Variants in DLG2 observed in about 807,000 individuals in gnomAD.
DLG2 encodes the protein disks large homolog 2.
DLG2 carries 45 observed loss-of-function variants against 132.5 expected under a neutral mutation model. The ratio of observed to expected loss-of-function variants is 0.34; its 90% CI spans 0.27 to 0.44. DLG2 has a LOEUF of 0.44. Among genes scored for constraint, DLG2 ranks in the 20% least tolerant of loss-of-function variants. DLG2 has a pLI of 1.00. For missense variants in DLG2, 1,045 were observed against 1,196.9 expected (o/e 0.87, Z 1.87); for synonymous variants, 424 against 419.6 (o/e 1.01, Z -0.13).
intron 4 of DLG2, among the ~76,000 whole-genome samples, chr11:85,167,907 C>T (rs2078576426): frequency 6.6e-6 from 1 of 152,062 alleles, no homozygotes; most frequent in African/African-American, 2.4e-5. Flanking sequence ...TAGACTACTT[C>T]AGGATTACAA....
intron 4 of DLG2, among the ~76,000 whole-genome samples, chr11:85,200,912 A>G (rs1285969818): frequency 6.6e-6 from 1 of 152,128 alleles, no homozygotes; most frequent in South Asian, 2.1e-4. Context: ...TCCATCCTGC[A>G]GCAGATCACA....
chr11:84,267,208 T>C (rs1234269455), intron 7 of DLG2, among the ~76,000 whole-genome samples: 2 of 138,918 alleles, frequency 1.4e-5, no homozygotes, highest in Admixed American at 7.7e-5. Flanking sequence ...CATGTTGGTA[T>C]TGTGATGATT....
At chr11:83,760,260 TA>T in intron 18 of DLG2, among the ~76,000 whole-genome samples, 1 of 152,352 alleles carries the variant, frequency 6.6e-6, no homozygotes, top group Admixed American at 6.5e-5. Context: ...AACAGAATAC[TA>T]AATTTAAGAA....
At chr11:83,761,867 T>C (rs1271913796) in intron 18 of DLG2, among the ~76,000 whole-genome samples, 2 of 152,140 alleles carry the variant, frequency 1.3e-5, no homozygotes, top group Non-Finnish European at 1.5e-5. Context: ...ATAAAATGTA[T>C]CTTTATTTGG....
chr11:84,425,769 G>A (rs2098964453), intron 7 of DLG2, among the ~76,000 whole-genome samples: 1 of 152,112 alleles, frequency 6.6e-6, no homozygotes. Context: ...AAAGTGGTTA[G>A]TGAAGATATT....
chr11:84,792,565 A>G (rs1174398383), intron 6 of DLG2, among the ~76,000 whole-genome samples: 1 of 151,834 alleles, frequency 6.6e-6, no homozygotes, highest in African/African-American at 2.4e-5. Flanking sequence ...GTTTTTCTTT[A>G]TGGGAGACTT....
chr11:84,642,092 A>AGTGTGTGTGTGTGTGTGTATATGTAGAGT (rs34226746), intron 6 of DLG2, among the ~76,000 whole-genome samples: 14 of 139,246 alleles, frequency 1.0e-4, no homozygotes, highest in Admixed American at 6.3e-4. Context: ...GTATATGTAG[A>AGTGTGTGTGTGTGTGTGTATATGTAGAGT]GTGTGTGTGT....
chr11:84,475,236 T>C (rs1390975074), intron 7 of DLG2, among the ~76,000 whole-genome samples: 1 of 152,124 alleles, frequency 6.6e-6, no homozygotes, highest in Non-Finnish European at 1.5e-5. Context: ...GTGTATCTCA[T>C]TAAAAAAAAT....
intron 16 of DLG2, among the ~76,000 whole-genome samples, chr11:83,835,714 G>T (rs979660817): frequency 2.6e-5 from 4 of 152,194 alleles, no homozygotes; most frequent in African/African-American, 9.7e-5. Context: ...TAGGTCAGGA[G>T]TCTGGGTGGA....
intron 3 of DLG2, among the ~76,000 whole-genome samples, chr11:85,462,734 T>C (rs999171075): frequency 2.0e-5 from 3 of 151,816 alleles, no homozygotes; most frequent in Non-Finnish European, 4.4e-5. Context: ...CACACCAACA[T>C]GCCACATGTA....
intron 15 of DLG2, among the ~76,000 whole-genome samples, chr11:83,903,960 G>C (rs959164314): frequency 2.0e-5 from 3 of 152,058 alleles, no homozygotes; most frequent in African/African-American, 7.2e-5. Flanking sequence ...TTATAAATTA[G>C]ACACAGTAAG....
intron 17 of DLG2, among the ~76,000 whole-genome samples, chr11:83,792,986 G>C (rs950131600): frequency 7.2e-5 from 11 of 151,966 alleles, no homozygotes; most frequent in Non-Finnish European, 1.5e-4. Context: ...CATTCTGATA[G>C]GTAAACAATT....
intron 4 of DLG2, among the ~76,000 whole-genome samples, chr11:85,235,939 C>A (rs2152661239): frequency 6.6e-6 from 1 of 151,710 alleles, no homozygotes; most frequent in African/African-American, 2.4e-5. Flanking sequence ...GTTTATGAAG[C>A]ATTAACTAAA....
chr11:84,772,037 A>T (rs538945182), intron 6 of DLG2, among the ~76,000 whole-genome samples: 8 of 152,206 alleles, frequency 5.3e-5, no homozygotes, highest in African/African-American at 1.9e-4. Flanking sequence ...AATGACCCCC[A>T]TAGGCTCAAT....
At chr11:85,248,247 T>C (rs2076230818) in intron 4 of DLG2, among the ~76,000 whole-genome samples, 2 of 152,100 alleles carry the variant, frequency 1.3e-5, no homozygotes. Context: ...GCATAACCTC[T>C]GTTAGTGTTT....
At chr11:84,277,225 G>T (rs907602991) in intron 7 of DLG2, among the ~76,000 whole-genome samples, 8 of 152,158 alleles carry the variant, frequency 5.3e-5, no homozygotes, top group African/African-American at 1.9e-4. Context: ...GCACCAATTT[G>T]AGCTAATAAA....
intron 18 of DLG2, among the ~76,000 whole-genome samples, chr11:83,730,146 G>GCTT (rs775673275): frequency 4.5e-5 from 5 of 111,002 alleles, no homozygotes; most frequent in African/African-American, 1.7e-4. Context: ...TTTTTTTATG[G>GCTT]TTTTTTTTTT....
intron 6 of DLG2, among the ~76,000 whole-genome samples, chr11:84,881,487 C>A (rs898053646): frequency 4.6e-5 from 7 of 152,064 alleles, no homozygotes; most frequent in Non-Finnish European, 1.0e-4. Context: ...CTTAGTCAAC[C>A]CAAAACTGGG....
intron 6 of DLG2, among the ~76,000 whole-genome samples, chr11:84,662,556 G>A (rs904500463): frequency 6.6e-6 from 1 of 151,636 alleles, no homozygotes; most frequent in Non-Finnish European, 1.5e-5. Context: ...GGCCAAGGAG[G>A]GCAGATCCCC....
Sources: allele counts gnomAD v4.1 joint callset (sites outside exome capture counted in the v4.1 genomes callset), GRCh38; gene constraint gnomAD v4.1.1; transcripts MANE v1.5; gene names NCBI Gene and HGNC (gene_info 2026-07-23, HGNC 2026-07-21).